HYDIN: variants seen among roughly 807,000 people sequenced by gnomAD.
The protein encoded by HYDIN is axonemal central pair apparatus protein HYDIN.
In HYDIN, 132 loss-of-function variants were observed where a neutral mutation model predicts 403.9. The observed-to-expected ratio is 0.33, with a 90% confidence interval of 0.28 to 0.38. The LOEUF is 0.38. HYDIN is among the 10% of genes least tolerant of loss of function. HYDIN has a pLI of 1.00. For missense variants in HYDIN, 2,827 were observed against 5,009.5 expected (o/e 0.56, Z 13.15); for synonymous variants, 1,202 against 1,891.7 (o/e 0.64, Z 9.46).
intron 18 of HYDIN, among the ~76,000 whole-genome samples, chr16:71,051,656 A>AC (rs2081647373): frequency 6.6e-6 from 1 of 150,856 alleles, no homozygotes; most frequent in African/African-American, 2.4e-5. Flanking sequence ...AAAAAAAAAA[A>AC]AAACAAAAAA....
At chr16:71,174,649 C>G (rs1309173301) in intron 5 of HYDIN, among the ~76,000 whole-genome samples, 1 of 152,104 alleles carries the variant, frequency 6.6e-6, no homozygotes, top group Admixed American at 6.5e-5. Context: ...AAGCCTCCAC[C>G]CTCAGGCCCC....
intron 42 of HYDIN, among the ~76,000 whole-genome samples, chr16:70,943,206 C>A (rs1294676545): frequency 6.6e-6 from 1 of 152,100 alleles, no homozygotes; most frequent in South Asian, 2.1e-4. Flanking sequence ...TTGTCTTTAA[C>A]TGTAGAATTC....
intron 52 of HYDIN, among the ~76,000 whole-genome samples, chr16:70,902,821 A>ATATATATT: frequency 3.6e-4 from 17 of 47,284 alleles, no homozygotes; most frequent in Admixed American, 5.1e-4. Flanking sequence ...ATATATATAT[A>ATATATATT]TTTTTTTTTT....
intron 83 of HYDIN, among the ~76,000 whole-genome samples, chr16:70,825,090 C>A (rs2036509911): frequency 6.6e-6 from 1 of 152,024 alleles, no homozygotes; most frequent in African/African-American, 2.4e-5. Flanking sequence ...CCTTGCATGT[C>A]CAAGTTTTGC....
intron 39 of HYDIN, among the ~76,000 whole-genome samples, chr16:70,957,332 T>TTTC (rs2078274981): frequency 6.6e-6 from 1 of 151,068 alleles, no homozygotes; most frequent in South Asian, 2.1e-4. Flanking sequence ...CTTCCTATTT[T>TTTC]TTTTTTTTTT....
In HYDIN at chr16:71,027,169, G is replaced by T. The variant is rs1221079521; in HGVS notation, c.3042+433C>A. On this transcript the variant is annotated intron_variant, in intron 20 of 85. Transcript: ENST00000393567. ...AAAAAGAAGATGTTTTGAAATGTGA[G>T]TTGCAGTCAGGCTGGAAAGAAAGGA... The T allele has an allele frequency of 1.4e-4, 141 of 1,043,942 alleles. 1 individual carries two copies. The highest frequency in any genetic ancestry group is 1.2e-6 in the Non-Finnish European group (1 of 868,454). 64.7% of individuals were successfully genotyped at this position (1,043,942 alleles called of 1,614,324 possible). A position where few individuals can be genotyped will look rare whatever the true frequency, so the allele number is the denominator to read the frequency against.
chr16:70,836,833 T>C (rs914365477), intron 77 of HYDIN, among the ~76,000 whole-genome samples: 3 of 152,168 alleles, frequency 2.0e-5, no homozygotes, highest in Admixed American at 6.5e-5. Flanking sequence ...AAATATCCAA[T>C]ACATAATGGG....
intron 1 of HYDIN, among the ~76,000 whole-genome samples, chr16:71,203,548 A>C (rs1482422974): frequency 6.6e-6 from 1 of 152,222 alleles, no homozygotes; most frequent in Non-Finnish European, 1.5e-5. Context: ...ACCTATATAT[A>C]ATATATAGAC....
intron 39 of HYDIN, among the ~76,000 whole-genome samples, chr16:70,958,034 A>G (rs1450281756): frequency 6.9e-6 from 1 of 145,284 alleles, no homozygotes; most frequent in East Asian, 2.0e-4. Flanking sequence ...TAATATTTTA[A>G]TATTTTTAAA....
chr16:70,864,886 T>C (rs1340260981), intron 67 of HYDIN, among the ~76,000 whole-genome samples: 1 of 152,130 alleles, frequency 6.6e-6, no homozygotes, highest in Non-Finnish European at 1.5e-5. Context: ...AGGTCATAAA[T>C]GAATGGGCAT....
intron 65 of HYDIN, among the ~76,000 whole-genome samples, chr16:70,871,398 G>A (rs1245704216): frequency 2.0e-5 from 3 of 152,100 alleles, no homozygotes; most frequent in East Asian, 1.9e-4. Context: ...TGGGAACTCA[G>A]AAATGAACTA....
chr16:70,943,720 G>A (rs2143890169), intron 42 of HYDIN, 92 bp downstream of exon 42: 1 of 1,500,458 alleles, frequency 6.7e-7, no homozygotes, highest in South Asian at 1.3e-5. Context: ...GAGCTGCCGT[G>A]GGTGGCTGAT....
At chr16:70,876,184 T>A (rs1170844284) in intron 62 of HYDIN, among the ~76,000 whole-genome samples, 1 of 132,328 alleles carries the variant, frequency 7.6e-6, no homozygotes, top group African/African-American at 3.5e-5. Flanking sequence ...TGTCTGCACA[T>A]TTTTTTTTTT....
rs1192339334 is a variant in HYDIN at position 70,805,976 on chromosome 16, G to A, written c.*1604C>T. Among the ~76,000 whole-genome samples the A allele has an allele frequency of 2.0e-5, 3 of 152,098 alleles. No homozygotes were observed. Among genetic ancestry groups the A allele is most frequent in the East Asian group, 1.9e-4 (1 of 5,194 alleles). On this transcript the variant is annotated 3_prime_UTR_variant, in exon 86 of 86. Coordinates refer to ENST00000393567, the MANE Select transcript of HYDIN (RefSeq NM_001270974.2). ...TGCTCAGGATGTGAATCATCCCCTCGTCTAGCGTATGCATGCTGTAGACAC... is the reference window on the plus strand; with the variant it reads ...TGCTCAGGATGTGAATCATCCCCTCATCTAGCGTATGCATGCTGTAGACAC...
Position 71,062,297 on chromosome 16 carries a change from G to C in HYDIN, c.2248C>G (p.Pro750Ala), listed in dbSNP as rs2144275185. ...EEVPTVLFSS[P>A]TPSGVISPSS... Reference sequence around the variant, plus strand: ...GGGGAGATGACCCCGCTGGGGGTGGGGCTGGAAAACAGCACAGTAGGCACC... The same window carrying C: ...GGGGAGATGACCCCGCTGGGGGTGGCGCTGGAAAACAGCACAGTAGGCACC... Residue 750 changes from proline (P) to alanine (A), a missense_variant, in exon 17 of 86, where the codon CCC (proline) becomes GCC (alanine). By Grantham distance (27) the Pro-to-Ala change is conservative. Transcript: ENST00000393567. The C allele has an allele frequency of 6.3e-7, 1 of 1,582,738 alleles. No homozygotes were observed. Among genetic ancestry groups the C allele is most frequent in the Non-Finnish European group, 8.6e-7 (1 of 1,162,900 alleles).
At chr16:70,884,647 C>A (rs542987796) in intron 58 of HYDIN, among the ~76,000 whole-genome samples, 33 of 151,704 alleles carry the variant, frequency 2.2e-4, no homozygotes, top group Admixed American at 1.6e-3. Context: ...AGGTGTGAAG[C>A]ATGTAGCATA....
At chr16:70,855,676 C>T (rs905766024) in intron 72 of HYDIN, among the ~76,000 whole-genome samples, 193 of 152,364 alleles carry the variant, frequency 1.3e-3, no homozygotes, top group African/African-American at 4.0e-3. Flanking sequence ...TGAAAATAGA[C>T]CTTTGGTATT....
chr16:70,812,151 T>C (rs2035546832), intron 84 of HYDIN, among the ~76,000 whole-genome samples: 1 of 102,694 alleles, frequency 9.7e-6, no homozygotes, highest in African/African-American at 3.9e-5. Flanking sequence ...CTCCTGAACA[T>C]AGTGAATTTT....
chr16:70,890,351 C>T (rs943797580), intron 57 of HYDIN, among the ~76,000 whole-genome samples: 4 of 152,066 alleles, frequency 2.6e-5, no homozygotes, highest in Non-Finnish European at 5.9e-5. Context: ...TGAACTTGTG[C>T]ATGCTAAAAT....
Sources: allele counts gnomAD v4.1 joint callset (sites outside exome capture counted in the v4.1 genomes callset), GRCh38; gene constraint gnomAD v4.1.1; transcripts MANE v1.5; gene names NCBI Gene and HGNC (gene_info 2026-07-23, HGNC 2026-07-21).